GPR39: variants seen among roughly 807,000 people sequenced by gnomAD.
The protein encoded by GPR39 is zinc sensing receptor.
GPR39 carries 23 observed loss-of-function variants against 18.4 expected under a neutral mutation model. That is an observed-to-expected ratio of 1.25 (90% CI 0.90 to 1.77). The LOEUF (loss-of-function observed/expected upper bound fraction) is 1.77, where lower values mean the gene tolerates loss of function less well. Ranked by LOEUF, GPR39 falls within the 40% of genes most tolerant of loss-of-function variation. The pLI, the probability that GPR39 is intolerant of heterozygous loss-of-function variation, is 0.00. For synonymous variants in GPR39, 280 were observed against 257.9 expected (o/e 1.09, Z -0.82); for missense variants, 647 against 602.4 (o/e 1.07, Z -0.78).
intron 1 of GPR39, among the ~76,000 whole-genome samples, chr2:132,618,425 A>G (rs762185687): frequency 6.6e-6 from 1 of 152,230 alleles, no homozygotes; most frequent in Non-Finnish European, 1.5e-5. Context: ...AACTGCATTT[A>G]GCCTTGAATT....
chr2:132,613,873 G>C (rs1681281149), intron 1 of GPR39, among the ~76,000 whole-genome samples: 1 of 152,178 alleles, frequency 6.6e-6, no homozygotes, highest in African/African-American at 2.4e-5. Flanking sequence ...TATCCCCAGT[G>C]TTTAACACAG....
chr2:132,480,412 G>T (rs547901408), intron 1 of GPR39, among the ~76,000 whole-genome samples: 1 of 152,128 alleles, frequency 6.6e-6, no homozygotes, highest in East Asian at 1.9e-4. Flanking sequence ...TTTTTATTAT[G>T]TGGGCTTTCA....
At chr2:132,445,074 T>A (rs914770022) in intron 1 of GPR39, among the ~76,000 whole-genome samples, 1 of 152,204 alleles carries the variant, frequency 6.6e-6, no homozygotes, top group Non-Finnish European at 1.5e-5. Flanking sequence ...TGATAGTTTT[T>A]AAAAAATTAT....
chr2:132,434,502 A>G (rs1680277593), intron 1 of GPR39, among the ~76,000 whole-genome samples: 1 of 152,164 alleles, frequency 6.6e-6, no homozygotes. Flanking sequence ...TCAGAGCCCC[A>G]TGAGGTCAAC....
At chr2:132,472,812 G>A (rs1681057507) in intron 1 of GPR39, among the ~76,000 whole-genome samples, 1 of 152,092 alleles carries the variant, frequency 6.6e-6, no homozygotes, top group African/African-American at 2.4e-5. Context: ...GCTTGTAATG[G>A]AGGTCATACA....
chr2:132,491,484 C>T (rs1172318063), intron 1 of GPR39, among the ~76,000 whole-genome samples: 2 of 151,968 alleles, frequency 1.3e-5, no homozygotes, highest in Non-Finnish European at 2.9e-5. Context: ...AATGTTAGCA[C>T]AATTCCTGGG....
At chr2:132,568,064 C>T (rs10803535) in intron 1 of GPR39, among the ~76,000 whole-genome samples, 57,797 of 151,818 alleles carry the variant, frequency 0.38, 13,006 homozygotes, top group East Asian at 0.77. Context: ...ATTTAACTGG[C>T]CTTGAGTAGG....
intron 1 of GPR39, among the ~76,000 whole-genome samples, chr2:132,627,206 C>T (rs1215199955): frequency 6.6e-6 from 1 of 152,142 alleles, no homozygotes; most frequent in African/African-American, 2.4e-5. Context: ...CTCTGTGTAC[C>T]CACCTCTGGG....
At chr2:132,453,911 G>A (rs1680674590) in intron 1 of GPR39, among the ~76,000 whole-genome samples, 1 of 152,188 alleles carries the variant, frequency 6.6e-6, no homozygotes, top group Admixed American at 6.5e-5. Context: ...AAGTCAGGTA[G>A]TGTGATGCCT....
chr2:132,556,786 C>T (rs182588394), intron 1 of GPR39, among the ~76,000 whole-genome samples: 4 of 152,294 alleles, frequency 2.6e-5, no homozygotes, highest in African/African-American at 9.6e-5. Flanking sequence ...CCTAATTAAG[C>T]ACAACCTCAT....
At chr2:132,465,591 G>A (rs549652760) in intron 1 of GPR39, among the ~76,000 whole-genome samples, 20 of 152,322 alleles carry the variant, frequency 1.3e-4, no homozygotes, top group African/African-American at 4.3e-4. Context: ...CCTAGGAGGA[G>A]GCATACACAT....
At chr2:132,463,907 G>T (rs758651143) in intron 1 of GPR39, among the ~76,000 whole-genome samples, 2 of 152,186 alleles carry the variant, frequency 1.3e-5, no homozygotes, top group African/African-American at 2.4e-5. Context: ...TGCAGGCTTG[G>T]ACATTTTGAT....
At chr2:132,563,883 G>A (rs1558841178) in intron 1 of GPR39, among the ~76,000 whole-genome samples, 3 of 152,178 alleles carry the variant, frequency 2.0e-5, no homozygotes, top group Non-Finnish European at 4.4e-5. Flanking sequence ...GAATTGCCTG[G>A]AGGTGCCTGG....
chr2:132,432,458 C>T (rs934224487), intron 1 of GPR39, among the ~76,000 whole-genome samples: 5 of 152,304 alleles, frequency 3.3e-5, no homozygotes, highest in African/African-American at 1.2e-4. Context: ...CCATAGCATC[C>T]TCTGTGTGTG....
intron 1 of GPR39, among the ~76,000 whole-genome samples, chr2:132,538,456 C>T (rs1679800633): frequency 6.6e-6 from 1 of 152,196 alleles, no homozygotes; most frequent in Admixed American, 6.5e-5. Context: ...TTGATGCCAG[C>T]CAGAGCTCTC....
At chr2:132,464,690 G>A (rs1473845534) in intron 1 of GPR39, among the ~76,000 whole-genome samples, 1 of 152,162 alleles carries the variant, frequency 6.6e-6, no homozygotes, top group African/African-American at 2.4e-5. Context: ...GATTTCCCCA[G>A]ACCCAGCCTG....
At chr2:132,427,118 AC>A (rs1558795572) in intron 1 of GPR39, among the ~76,000 whole-genome samples, 1 of 132,414 alleles carries the variant, frequency 7.6e-6, no homozygotes, top group Non-Finnish European at 1.6e-5. Context: ...TATATAATAT[AC>A]ATATATAGGT....
intron 1 of GPR39, among the ~76,000 whole-genome samples, chr2:132,483,727 A>T (rs1206756765): frequency 6.6e-6 from 1 of 152,152 alleles, no homozygotes; most frequent in African/African-American, 2.4e-5. Flanking sequence ...ATTCACATTC[A>T]TGCTGAGAAA....
At chr2:132,622,366 C>T (rs1681458071) in intron 1 of GPR39, among the ~76,000 whole-genome samples, 1 of 152,108 alleles carries the variant, frequency 6.6e-6, no homozygotes, top group Non-Finnish European at 1.5e-5. Context: ...TGCACTCCAG[C>T]CTGGGCGACA....
Sources: allele counts gnomAD v4.1 joint callset (sites outside exome capture counted in the v4.1 genomes callset), GRCh38; gene constraint gnomAD v4.1.1; transcripts MANE v1.5; gene names NCBI Gene and HGNC (gene_info 2026-07-23, HGNC 2026-07-21).